Variants in ARHGEF3 observed in about 807,000 individuals in gnomAD.
The protein encoded by ARHGEF3 is 59.8 kDA protein.
In ARHGEF3, 28 loss-of-function variants were observed where a neutral mutation model predicts 63.2. The observed-to-expected ratio is 0.44, with a 90% CI of 0.33 to 0.61. The LOEUF is 0.61. Ranked by LOEUF, ARHGEF3 falls within the 20% of genes least tolerant of loss-of-function variation. The pLI is 0.03. For synonymous variants in ARHGEF3, 266 were observed against 254.2 expected (o/e 1.05, Z -0.44); for missense variants, 533 against 659.3 (o/e 0.81, Z 2.10).
At chr3:57,055,453 C>T (rs968713646) in intron 1 of ARHGEF3, among the ~76,000 whole-genome samples, 2 of 152,150 alleles carry the variant, frequency 1.3e-5, no homozygotes, top group African/African-American at 4.8e-5. Context: ...TGAGTCACCC[C>T]GCCTGGCCCC....
intron 2 of ARHGEF3, among the ~76,000 whole-genome samples, chr3:56,960,371 C>G (rs1700227014): frequency 6.6e-6 from 1 of 152,114 alleles, no homozygotes; most frequent in Admixed American, 6.5e-5. Flanking sequence ...GTTGTCTGAC[C>G]TCAAATACCA....
chr3:56,800,179 T>G (rs887482016), intron 1 of ARHGEF3, among the ~76,000 whole-genome samples: 1 of 152,362 alleles, frequency 6.6e-6, no homozygotes. Context: ...AGGGACTGGT[T>G]AGAGTCCTCA....
chr3:57,050,348 C>G (rs1158387097), intron 1 of ARHGEF3, among the ~76,000 whole-genome samples: 2 of 152,260 alleles, frequency 1.3e-5, no homozygotes, highest in African/African-American at 4.8e-5. Context: ...TCTTCTCACT[C>G]TCTACTCTCA....
At position 56,996,890 on chromosome 3, in the gene ARHGEF3, ATT is replaced by A. The variant is rs534187681; in HGVS notation, c.63-38003_63-38002del. Among the ~76,000 whole-genome samples, 356 of 136,494 alleles carry A rather than the reference ATT, an allele frequency of 2.6e-3. 1 individual carries two copies. Among genetic ancestry groups the A allele is most frequent in the African/African-American group, 9.2e-3 (338 of 36,832 alleles). The allele number at this position is 136,494 out of a possible 152,430, so 89.5% of individuals were successfully genotyped here. On this transcript the variant is annotated intron_variant, in intron 2 of 12. Transcript: ENST00000338458. ...AAACATTATTATTATTATTATTATT[ATT>A]TTTTTTTTTTTTTGCAATTTGCTTA... is the stretch of plus-strand genomic sequence containing the variant.
At chr3:56,744,357 A>G (rs1400705906) in intron 7 of ARHGEF3, among the ~76,000 whole-genome samples, 6 of 151,494 alleles carry the variant, frequency 4.0e-5, no homozygotes, top group Non-Finnish European at 8.8e-5. Flanking sequence ...CTAGGGAAAA[A>G]TATATATTTC....
intron 1 of ARHGEF3, chr3:56,774,991 A>G (rs2036215151): frequency 6.7e-7 from 1 of 1,499,834 alleles, no homozygotes; most frequent in South Asian, 1.3e-5. Context: ...AGACAAAGAG[A>G]AGAGTTACCC....
chr3:56,957,481 A>G (rs1478367715), intron 3 of ARHGEF3, among the ~76,000 whole-genome samples: 1 of 152,244 alleles, frequency 6.6e-6, no homozygotes, highest in East Asian at 1.9e-4. Context: ...TTCATCTGAC[A>G]AATTAATTAA....
intron 2 of ARHGEF3, among the ~76,000 whole-genome samples, chr3:56,772,159 G>A (rs139360359): frequency 0.018 from 2,741 of 152,302 alleles, 32 homozygotes; most frequent in Admixed American, 0.028. Context: ...AGTGCTGAGA[G>A]AAACAGACCC....
chr3:56,795,154 A>G (rs2107937662), intron 1 of ARHGEF3, among the ~76,000 whole-genome samples: 1 of 152,050 alleles, frequency 6.6e-6, no homozygotes, highest in East Asian at 1.9e-4. Flanking sequence ...ATTTTTGACC[A>G]ATGGTTGGTT....
At chr3:56,731,949 A>C in intron 9 of ARHGEF3, 3 of 572,778 alleles carry the variant, frequency 5.2e-6, no homozygotes, top group Non-Finnish European at 6.2e-6. Context: ...AAAGACAGAG[A>C]AAGGGAACTT....
At chr3:56,789,020 A>ATGATGCTGCTGCTGCTGCTGCTGCTGC (rs1553754802) in intron 1 of ARHGEF3, among the ~76,000 whole-genome samples, 4 of 149,224 alleles carry the variant, frequency 2.7e-5, no homozygotes, top group African/African-American at 9.9e-5. Context: ...TTCAAGATAG[A>ATGATGCTGCTGCTGCTGCTGCTGCTGC]TGCTGCTGCT....
intron 3 of ARHGEF3, among the ~76,000 whole-genome samples, chr3:56,904,286 C>T (rs941611152): frequency 6.6e-6 from 1 of 152,190 alleles, no homozygotes; most frequent in Non-Finnish European, 1.5e-5. Context: ...CCCACTTTGG[C>T]CCCCAAAGTG....
intron 2 of ARHGEF3, among the ~76,000 whole-genome samples, chr3:56,767,624 G>A (rs1319006368): frequency 6.7e-6 from 1 of 149,784 alleles, no homozygotes; most frequent in Non-Finnish European, 1.5e-5. Flanking sequence ...TGCAAGTATA[G>A]TAAAAGGTAA....
intron 1 of ARHGEF3, among the ~76,000 whole-genome samples, chr3:56,793,444 C>G (rs1446497186): frequency 6.6e-6 from 1 of 152,190 alleles, no homozygotes; most frequent in Admixed American, 6.5e-5. Context: ...GCTGGGATTA[C>G]AGGCGTGAGC....
intron 4 of ARHGEF3, among the ~76,000 whole-genome samples, chr3:56,823,629 G>A (rs1044023455): frequency 6.6e-6 from 1 of 152,070 alleles, no homozygotes; most frequent in Non-Finnish European, 1.5e-5. Context: ...GCTGATATGT[G>A]CCCTTGTGTA....
At chr3:56,848,124 A>G (rs1183045946) in intron 4 of ARHGEF3, among the ~76,000 whole-genome samples, 1 of 152,202 alleles carries the variant, frequency 6.6e-6, no homozygotes. Context: ...TGTGACATTT[A>G]AGCTACCTTA....
At chr3:56,886,920 T>C (rs2040944649) in intron 3 of ARHGEF3, among the ~76,000 whole-genome samples, 1 of 152,312 alleles carries the variant, frequency 6.6e-6, no homozygotes, top group Non-Finnish European at 1.5e-5. Flanking sequence ...CCCACCATGC[T>C]GTCCCGTCCC....
At chr3:57,059,677 T>G (rs1705115327) in intron 1 of ARHGEF3, among the ~76,000 whole-genome samples, 2 of 152,156 alleles carry the variant, frequency 1.3e-5, no homozygotes, top group South Asian at 4.1e-4. Flanking sequence ...AATGACTGCC[T>G]GATGGGGTGA....
At chr3:57,038,900 G>A (rs1304461962) in intron 1 of ARHGEF3, among the ~76,000 whole-genome samples, 2 of 152,182 alleles carry the variant, frequency 1.3e-5, no homozygotes, top group African/African-American at 4.8e-5. Context: ...CAAAACCAGA[G>A]ATCTGACAGG....
Sources: gnomAD v4.1 joint callset for allele counts (sites outside exome capture counted in the v4.1 genomes callset) on GRCh38, gnomAD v4.1.1 for gene constraint, MANE v1.5 for transcripts, NCBI Gene and HGNC (gene_info 2026-07-23, HGNC 2026-07-21) for gene names.